Variants in USP37 observed in about 807,000 individuals in gnomAD.
USP37 encodes ubiquitin carboxyl-terminal hydrolase 37.
A neutral mutation model predicts 124.0 loss-of-function variants in USP37; 27 were observed. The ratio of observed to expected loss-of-function variants is 0.22; its 90% CI spans 0.16 to 0.30. The LOEUF is 0.30. Ranked by LOEUF, USP37 falls within the 10% of genes least tolerant of loss-of-function variation. USP37 has a pLI of 1.00. For missense variants in USP37, 889 were observed against 1,140.4 expected, an observed-to-expected ratio of 0.78 and a Z score of 3.17; for synonymous variants, 365 against 388.0, an observed-to-expected ratio of 0.94 and a Z score of 0.70.
intron 14 of USP37, among the ~76,000 whole-genome samples, chr2:218,494,113 G>A (rs908695099): frequency 6.6e-6 from 1 of 152,152 alleles, no homozygotes; most frequent in Admixed American, 6.6e-5. Flanking sequence ...TATCCACCAG[G>A]GGGAAAAGTC....
chr2:218,528,840 AAGAGCTTATCT>A, intron 10 of USP37: 1 of 372,408 alleles, frequency 2.7e-6, no homozygotes. Context: ...AAAAAAAAAA[AAGAGCTTATCT>A]ATAGAATTGG....
chr2:218,487,662 G>A (rs1057285318), intron 15 of USP37, among the ~76,000 whole-genome samples: 10 of 151,924 alleles, frequency 6.6e-5, no homozygotes, highest in South Asian at 4.2e-4. Context: ...CTTGTGAACC[G>A]CCTGCCTTGG....
chr2:218,467,758 A>G (rs1375101200), intron 20 of USP37, among the ~76,000 whole-genome samples: 2 of 152,144 alleles, frequency 1.3e-5, no homozygotes, highest in Non-Finnish European at 2.9e-5. Flanking sequence ...TGCTGGGATT[A>G]TAGGCGTGAG....
At chr2:218,506,567 G>A (rs1226680809) in intron 11 of USP37, among the ~76,000 whole-genome samples, 1 of 149,350 alleles carries the variant, frequency 6.7e-6, no homozygotes, top group South Asian at 2.1e-4. Flanking sequence ...TTACAGGGGT[G>A]AGCCACCACG....
intron 14 of USP37, among the ~76,000 whole-genome samples, chr2:218,491,004 G>C (rs1010430406): frequency 6.6e-6 from 1 of 152,116 alleles, no homozygotes; most frequent in African/African-American, 2.4e-5. Context: ...CTCCCAAATA[G>C]CTGGGACTAC....
In USP37 at chr2:218,541,601, T is replaced by C. The variant is rs540316204; in HGVS notation, c.680+4620A>G. ...AGCAGAAGTGTTAATAGAGGATGCA[T>C]GGAATTGATGGTAGGAAGAGATGTC... On this transcript the variant is annotated intron_variant, in intron 8 of 25. Coordinates refer to ENST00000258399, the MANE Select transcript of USP37 (RefSeq NM_020935.3). Among the ~76,000 whole-genome samples the C allele has an allele frequency of 1.4e-3, 219 of 152,172 alleles. 1 individual carries two copies. Among genetic ancestry groups the C allele is most frequent in the African/African-American group, 5.1e-3 (210 of 41,524 alleles).
chr2:218,465,383 C>A (rs1301811145), intron 21 of USP37, among the ~76,000 whole-genome samples: 1 of 151,102 alleles, frequency 6.6e-6, no homozygotes, highest in Non-Finnish European at 1.5e-5. Flanking sequence ...TCAAAACCAG[C>A]CTGGGCAACA....
chr2:218,474,594 T>A, intron 20 of USP37, 36 bp downstream of exon 20: 1 of 1,602,278 alleles, frequency 6.2e-7, no homozygotes, highest in Non-Finnish European at 8.5e-7. Context: ...AGAGTTATGT[T>A]TTGTTTCACA....
In USP37 at chr2:218,546,242, G is replaced by C; in HGVS notation, c.659C>G (p.Pro220Arg). Reference protein sequence around the residue: ...STGSELNEDYPKENDSSSNNK... With the variant: ...STGSELNEDYRKENDSSSNNK... Reference sequence around the variant, plus strand: ...TTACGATGATGAATCATTTTCCTTAGGGTAATCTTCATTCAATTCTGAGCC... The same window carrying C: ...TTACGATGATGAATCATTTTCCTTACGGTAATCTTCATTCAATTCTGAGCC... Residue 220 changes from proline (P) to arginine (R), a missense_variant, in exon 8 of 26, where the codon CCT becomes CGT. This residue lies in a region of USP37 where 374 missense variants were observed against 386.0 expected (regional missense o/e 0.97). Transcript: ENST00000258399. The C allele has an allele frequency of 6.2e-7, 1 of 1,612,874 alleles. No homozygotes were observed.
chr2:218,563,961 C>G (rs977094004), intron 1 of USP37, among the ~76,000 whole-genome samples: 2 of 152,158 alleles, frequency 1.3e-5, no homozygotes, highest in Non-Finnish European at 2.9e-5. Flanking sequence ...GTTCCAGCTA[C>G]TTGGAAGGCT....
chr2:218,484,192 A>G (rs1691420429), intron 16 of USP37, among the ~76,000 whole-genome samples: 1 of 151,998 alleles, frequency 6.6e-6, no homozygotes, highest in Non-Finnish European at 1.5e-5. Context: ...TTTTGTAGAG[A>G]TGGGGGTCTC....
intron 5 of USP37, among the ~76,000 whole-genome samples, chr2:218,551,327 C>T (rs1236166305): frequency 6.6e-6 from 1 of 152,174 alleles, no homozygotes; most frequent in African/African-American, 2.4e-5. Flanking sequence ...CCCAAGATCA[C>T]AGAATGAATT....
At chr2:218,567,716 T>G (rs368721713) in intron 1 of USP37, among the ~76,000 whole-genome samples, 2 of 152,314 alleles carry the variant, frequency 1.3e-5, no homozygotes, top group Non-Finnish European at 1.5e-5. Flanking sequence ...TCTAACAACC[T>G]GATCTGGCGG....
At chr2:218,535,358 T>G (rs1188123614) in intron 8 of USP37, among the ~76,000 whole-genome samples, 1 of 148,448 alleles carries the variant, frequency 6.7e-6, no homozygotes, top group Non-Finnish European at 1.5e-5. Flanking sequence ...AGAGTGAGTC[T>G]TAGTCTTAAA....
chr2:218,563,617 T>C (rs1693428851), intron 1 of USP37, among the ~76,000 whole-genome samples: 1 of 152,182 alleles, frequency 6.6e-6, no homozygotes, highest in African/African-American at 2.4e-5. Flanking sequence ...CCCGCACATC[T>C]CTCACTGCCT....
chr2:218,496,055 AGGC>A, intron 13 of USP37, 105 bp from the exon 14 acceptor site: 6 of 1,118,130 alleles, frequency 5.4e-6, no homozygotes, highest in Non-Finnish European at 6.2e-6. Flanking sequence ...GCACTCTGGA[AGGC>A]TGAGGCAGGC....
At chr2:218,524,579 T>G (rs1365438251) in intron 10 of USP37, among the ~76,000 whole-genome samples, 1 of 152,208 alleles carries the variant, frequency 6.6e-6, no homozygotes, top group East Asian at 1.9e-4. Context: ...TCAAGACGTA[T>G]TTACATACAT....
Position 218,558,747 on chromosome 2 carries a change from C to T in USP37, c.-24-70G>A, listed in dbSNP as rs930533734. On this transcript the variant is annotated intron_variant, in intron 3 of 25. Coordinates refer to ENST00000258399, the MANE Select transcript of USP37 (RefSeq NM_020935.3). ...GGAAGAAAAATAAGATAAGTTATAA[C>T]TTACTAGTAATTAATTTCTAACCAC... is the stretch of plus-strand genomic sequence containing the variant. The T allele has an allele frequency of 4.2e-5, 50 of 1,182,144 alleles. 2 individuals are homozygous for T. The Middle Eastern group carries it at 7.2e-4, about 17-fold the overall frequency. The allele number at this position is 1,182,144 out of a possible 1,614,324, so 73.2% of individuals were successfully genotyped here. A position where few individuals can be genotyped will look rare whatever the true frequency, so the allele number is the denominator to read the frequency against.
intron 16 of USP37, among the ~76,000 whole-genome samples, chr2:218,484,115 T>C (rs957712078): frequency 3.3e-5 from 5 of 151,708 alleles, no homozygotes; most frequent in South Asian, 4.2e-4. Context: ...GCCGAGATCA[T>C]GCCACCGCAT....
Sources: gnomAD v4.1 joint callset for allele counts (sites outside exome capture counted in the v4.1 genomes callset) on GRCh38, gnomAD v4.1.1 for gene constraint, gnomAD v4.1.1 regional missense constraint, MANE v1.5 for transcripts, NCBI Gene and HGNC (gene_info 2026-07-23, HGNC 2026-07-21) for gene names.